The following SLC35D2 variants were observed in gnomAD, a reference collection of about 807,000 sequenced individuals.
The protein encoded by SLC35D2 is solute carrier family 35 member D2.
In SLC35D2, 43 loss-of-function variants were observed where a neutral mutation model predicts 41.8. The observed-to-expected ratio is 1.03, with a 90% confidence interval of 0.81 to 1.33. SLC35D2 has a LOEUF of 1.33. Ranked by LOEUF, SLC35D2 falls within the 40% of genes most tolerant of loss-of-function variation. SLC35D2 has a pLI of 0.00. For synonymous variants in SLC35D2, 150 were observed against 163.9 expected (o/e 0.92, Z 0.65); for missense variants, 380 against 408.4 (o/e 0.93, Z 0.60).
intron 8 of SLC35D2, among the ~76,000 whole-genome samples, chr9:96,340,065 T>C (rs1203757279): frequency 6.6e-6 from 1 of 152,220 alleles, no homozygotes; most frequent in Non-Finnish European, 1.5e-5. Context: ...AAAAAGCAAT[T>C]TTATATTACA....
chr9:96,318,348 C>A (rs1037442294), downstream of SLC35D2, among the ~76,000 whole-genome samples: 7 of 151,268 alleles, frequency 4.6e-5, no homozygotes, highest in Non-Finnish European at 5.9e-5. Context: ...GTCCCAGCTC[C>A]TCGGGAGGCT....
intron 9 of SLC35D2, among the ~76,000 whole-genome samples, chr9:96,328,124 AC>A (rs1367045289): frequency 6.6e-6 from 1 of 152,224 alleles, no homozygotes; most frequent in Non-Finnish European, 1.5e-5. Context: ...AAACCTCACC[AC>A]TTTTATTACT....
In SLC35D2 at chr9:96,323,321, T is replaced by C. The variant is rs117538968; in HGVS notation, c.831+770A>G. On this transcript the variant is annotated intron_variant, in intron 10 of 11. Coordinates refer to ENST00000253270, the MANE Select transcript of SLC35D2 (RefSeq NM_007001.3). ...CTCTCCCCCTATTCATTCATGTGCA[T>C]GTGTGTGTATTCAGATGCATCCACA... Among the ~76,000 whole-genome samples the C allele has an allele frequency of 1.5e-3, 223 of 152,226 alleles. 2 individuals are homozygous for C. In the East Asian group the frequency reaches 0.039, roughly 27 times the overall value.
At chr9:96,382,466 T>TACACAC (rs35402465) in intron 1 of SLC35D2, among the ~76,000 whole-genome samples, 3,285 of 133,024 alleles carry the variant, frequency 0.025, 97 homozygotes, top group East Asian at 0.15. Context: ...AAAAATATTA[T>TACACAC]ACACACACAC....
chr9:96,378,965 C>A (rs1056680708), intron 1 of SLC35D2, among the ~76,000 whole-genome samples: 1 of 151,698 alleles, frequency 6.6e-6, no homozygotes. Context: ...AACTCCAGAA[C>A]AACTGTACAA....
intron 11 of SLC35D2, among the ~76,000 whole-genome samples, chr9:96,315,434 CT>C (rs35644020): frequency 0.11 from 14,730 of 131,790 alleles, 1,122 homozygotes; most frequent in African/African-American, 0.24. Flanking sequence ...CCTTCACAGA[CT>C]TTTTTTTTTT....
At position 96,321,308 on chromosome 9, in the gene SLC35D2, T is replaced by A. The variant is rs780467674; in HGVS notation, c.948A>T (p.Thr316=). The A allele has an allele frequency of 6.2e-7, 1 of 1,613,838 alleles. No individual in the cohort carries two copies. The highest frequency in any genetic ancestry group is 1.1e-5 in the South Asian group (1 of 91,072). The part of the protein sequence containing the change: ...MAGGLRYSFL[T]LSSQLKPKPV... ...GTTTAGGTTTTAACTGGCTGCTCAG[T>A]GTTAAAAAGGAATATCTCAAGCCCC... Residue 316 remains threonine, a synonymous_variant, in exon 12 of 12, where the codon ACA becomes ACT. Coordinates refer to ENST00000253270, the MANE Select transcript of SLC35D2 (RefSeq NM_007001.3).
chr9:96,347,059 C>T (rs1233556514), intron 6 of SLC35D2, among the ~76,000 whole-genome samples: 1 of 152,178 alleles, frequency 6.6e-6, no homozygotes, highest in Non-Finnish European at 1.5e-5. Flanking sequence ...TCACTTGAAC[C>T]AGGGAGGCAG....
At chr9:96,369,070 T>A (rs1587716215) in intron 1 of SLC35D2, among the ~76,000 whole-genome samples, 1 of 152,118 alleles carries the variant, frequency 6.6e-6, no homozygotes, top group African/African-American at 2.4e-5. Flanking sequence ...CAGCTAAACC[T>A]GATATATTTT....
chr9:96,319,707 C>T (rs181936827), downstream of SLC35D2, among the ~76,000 whole-genome samples: 5 of 152,122 alleles, frequency 3.3e-5, no homozygotes, highest in Middle Eastern at 3.4e-3. Context: ...GCCATGTTAC[C>T]CAGGCTGGCC....
At chr9:96,364,815 G>A (rs35373605) in intron 2 of SLC35D2, among the ~76,000 whole-genome samples, 3,915 of 152,152 alleles carry the variant, frequency 0.026, 73 homozygotes, top group Middle Eastern at 0.048. Context: ...CACTTTGGGA[G>A]GCCAAGATGG....
At chr9:96,345,967 T>C (rs149206239) in intron 6 of SLC35D2, among the ~76,000 whole-genome samples, 1,744 of 152,318 alleles carry the variant, frequency 0.011, 23 homozygotes, top group Middle Eastern at 0.054. Context: ...TCCATTTCCA[T>C]TATAAATAGC....
At chr9:96,374,644 C>G (rs1830858251) in intron 1 of SLC35D2, among the ~76,000 whole-genome samples, 1 of 150,940 alleles carries the variant, frequency 6.6e-6, no homozygotes, top group Admixed American at 6.6e-5. Context: ...ACCATCCTAG[C>G]TAGGACGGTG....
chr9:96,339,462 G>A (rs1829212555), intron 8 of SLC35D2, among the ~76,000 whole-genome samples: 1 of 151,836 alleles, frequency 6.6e-6, no homozygotes, highest in Non-Finnish European at 1.5e-5. Context: ...TGATGAGACG[G>A]TATTAGTGGC....
chr9:96,368,019 T>C (rs1377285784), intron 2 of SLC35D2, among the ~76,000 whole-genome samples: 1 of 152,198 alleles, frequency 6.6e-6, no homozygotes, highest in Non-Finnish European at 1.5e-5. Context: ...CCCCCTGCTT[T>C]AGAGTAATTA....
chr9:96,352,192 A>C (rs1829840248), intron 4 of SLC35D2, 83 bp from the exon 5 acceptor site: 1 of 818,832 alleles, frequency 1.2e-6, no homozygotes, highest in African/African-American at 1.7e-5. Context: ...ATTTTTAATT[A>C]AGCTTACTAA....
chr9:96,360,628 CAAAA>C (rs906000581), intron 3 of SLC35D2, among the ~76,000 whole-genome samples: 5 of 15,690 alleles, frequency 3.2e-4, no homozygotes, highest in Admixed American at 1.0e-3. Context: ...GACTTCATCT[CAAAA>C]AAAAAAAAAA....
At chr9:96,383,415 G>C (rs1587736397) in intron 1 of SLC35D2, 62 bp downstream of exon 1, 1 of 1,378,750 alleles carries the variant, frequency 7.3e-7, no homozygotes. Flanking sequence ...CCGCTGAAGC[G>C]CACGGAGGAC....
intron 4 of SLC35D2, among the ~76,000 whole-genome samples, chr9:96,352,522 A>G (rs1016365035): frequency 4.6e-5 from 7 of 151,940 alleles, no homozygotes; most frequent in African/African-American, 1.7e-4. Flanking sequence ...GAGTTTTGCC[A>G]TGTTGGCCAG....
Sources: gnomAD v4.1 joint callset for allele counts (sites outside exome capture counted in the v4.1 genomes callset) on GRCh38, gnomAD v4.1.1 for gene constraint, MANE v1.5 for transcripts, NCBI Gene and HGNC (gene_info 2026-07-23, HGNC 2026-07-21) for gene names.